The following MAN2B2 variants were observed in gnomAD, a reference collection of about 807,000 sequenced individuals.
MAN2B2 encodes the protein epididymis-specific alpha-mannosidase.
Under a neutral mutation model 117.1 loss-of-function variants are expected in MAN2B2, and 106 were observed. The observed-to-expected ratio is 0.90, with a 90% CI of 0.77 to 1.06. The LOEUF (loss-of-function observed/expected upper bound fraction) is 1.06, where lower values mean the gene tolerates loss of function less well. Among genes scored for constraint, MAN2B2 ranks in the 50% least tolerant of loss-of-function variants. MAN2B2 has a pLI of 0.00. For missense variants in MAN2B2, 1,326 were observed against 1,381.4 expected, an observed-to-expected ratio of 0.96 and a Z score of 0.64; for synonymous variants, 544 against 595.1, an observed-to-expected ratio of 0.91 and a Z score of 1.25.
At chr4:6,617,533 G>A in intron 17 of MAN2B2, 41 bp downstream of exon 17, 1 of 1,609,330 alleles carries the variant, frequency 6.2e-7, no homozygotes, top group Non-Finnish European at 8.5e-7. Context: ...AGCCAGGGAA[G>A]CAAACCCTAG....
intron 1 of MAN2B2, 49 bp downstream of exon 1, chr4:6,575,397 T>A: frequency 7.3e-7 from 1 of 1,375,296 alleles, no homozygotes; most frequent in Admixed American, 2.5e-5. Context: ...AGCTTCCCTC[T>A]CCCCGCGGGA....
rs1006059850 is a variant in MAN2B2 at position 6,575,220 on chromosome 4, C to T, written c.10C>T (p.Leu4=). ...CCGGCCTGCCGCAGGGATGGGGCAGCTGTGCTGGCTGCCGCTGCTGGCACC... is the reference window on the plus strand; with the variant it reads ...CCGGCCTGCCGCAGGGATGGGGCAGTTGTGCTGGCTGCCGCTGCTGGCACC... MGQ[L]CWLPLLAPLL... The change falls in exon 1 of 19, where the codon CTG becomes TTG. Residue 4 remains leucine (L), a synonymous_variant. Transcript: ENST00000285599. 2.0e-6 allele frequency: 3 copies of T among 1,507,704 alleles called. No individual in the cohort carries two copies. The highest frequency in any genetic ancestry group is 2.4e-5 in the South Asian group (2 of 83,442). The allele number at this position is 1,507,704 out of a possible 1,614,324, so 93.4% of individuals were successfully genotyped here.
At chr4:6,614,938 C>T (rs1418325474) in intron 16 of MAN2B2, among the ~76,000 whole-genome samples, 6 of 152,194 alleles carry the variant, frequency 3.9e-5, no homozygotes, top group Non-Finnish European at 8.8e-5. Flanking sequence ...ATGGGGGGCT[C>T]CCCGAGGAGG....
intron 13 of MAN2B2, 63 bp from the exon 14 acceptor site, chr4:6,610,817 G>C: frequency 6.9e-7 from 1 of 1,442,808 alleles, no homozygotes; most frequent in Non-Finnish European, 9.8e-7. Flanking sequence ...TGGCCAGAGG[G>C]TGATGCCTGA....
chr4:6,597,828 G>A (rs9994243), intron 8 of MAN2B2, among the ~76,000 whole-genome samples: 3,964 of 152,286 alleles, frequency 0.026, 191 homozygotes, highest in African/African-American at 0.091. Flanking sequence ...AAGACAGCCT[G>A]TAACTTGTCC....
At chr4:6,586,054 T>C (rs534620086) in intron 3 of MAN2B2, among the ~76,000 whole-genome samples, 1 of 125,538 alleles carries the variant, frequency 8.0e-6, no homozygotes, top group African/African-American at 2.7e-5. Context: ...TTTCTTGTGG[T>C]TTTTTTTTTT....
chr4:6,615,408 G>A (rs1160198657), intron 16 of MAN2B2, among the ~76,000 whole-genome samples: 1 of 152,112 alleles, frequency 6.6e-6, no homozygotes. Context: ...AGGAGATGTA[G>A]AAGCACTTTC....
intron 15 of MAN2B2, among the ~76,000 whole-genome samples, chr4:6,612,101 T>C (rs1711596246): frequency 6.6e-6 from 1 of 152,244 alleles, no homozygotes; most frequent in Non-Finnish European, 1.5e-5. Flanking sequence ...GATTAGCATG[T>C]GCTTTTAAGG....
Position 6,593,166 on chromosome 4 carries a change from C to G in MAN2B2, c.681-7C>G. 6.2e-7 allele frequency: 1 copy of G among 1,613,278 alleles called. No homozygotes were observed. Among genetic ancestry groups the G allele is most frequent in the Non-Finnish European group, 8.5e-7 (1 of 1,179,586 alleles). ...GTCTTCTGCCCTAACCTTCTGCCCT[C>G]GCACAGGTCAGGATTTTACTGGAAT... On this transcript the variant is annotated splice_region_variant and splice_polypyrimidine_tract_variant and intron_variant, in intron 5 of 18. Coordinates refer to ENST00000285599, the MANE Select transcript of MAN2B2 (RefSeq NM_015274.3).
intron 3 of MAN2B2, among the ~76,000 whole-genome samples, chr4:6,579,159 TCACCACCACCACCACCACCATCAC>T (rs1726248675): frequency 1.7e-4 from 3 of 18,082 alleles, no homozygotes; most frequent in Admixed American, 5.8e-4. Context: ...ACCATCACCA[TCACCACCACCACCACCACCATCAC>T]CATCACCAGC....
chr4:6,599,278 A>ATT (rs146877043), intron 9 of MAN2B2, among the ~76,000 whole-genome samples: 1 of 151,158 alleles, frequency 6.6e-6, no homozygotes, highest in Admixed American at 6.6e-5. Flanking sequence ...TTTTATTTTT[A>ATT]TTTTTTTTGG....
At chr4:6,596,989 C>A in intron 7 of MAN2B2, 124 bp from the exon 8 acceptor site, 1 of 954,686 alleles carries the variant, frequency 1.0e-6, no homozygotes, top group Non-Finnish European at 1.6e-6. Context: ...CCCGGCCTGC[C>A]TCCTTGGGTG....
At chr4:6,591,160 A>C (rs1726844879) in intron 5 of MAN2B2, among the ~76,000 whole-genome samples, 1 of 151,954 alleles carries the variant, frequency 6.6e-6, no homozygotes, top group Non-Finnish European at 1.5e-5. Context: ...CAAAAAAAAA[A>C]GAAGGCTGGA....
intron 3 of MAN2B2, among the ~76,000 whole-genome samples, chr4:6,582,536 C>T (rs1726476426): frequency 6.6e-6 from 1 of 152,096 alleles, no homozygotes; most frequent in Non-Finnish European, 1.5e-5. Context: ...ACAGGGATCT[C>T]ACCATGTTGG....
chr4:6,611,710 C>T (rs548525713), intron 15 of MAN2B2, among the ~76,000 whole-genome samples: 1 of 152,218 alleles, frequency 6.6e-6, no homozygotes, highest in Non-Finnish European at 1.5e-5. Flanking sequence ...AGGAGAATCG[C>T]TTGAACCCGG....
At chr4:6,620,114 T>C in intron 18 of MAN2B2, 70 bp downstream of exon 18, 1 of 1,326,438 alleles carries the variant, frequency 7.5e-7, no homozygotes, top group Admixed American at 2.1e-5. Flanking sequence ...TCAGACCCGG[T>C]GCACATCCAA....
intron 7 of MAN2B2, among the ~76,000 whole-genome samples, chr4:6,594,950 T>C (rs1372858943): frequency 6.6e-6 from 1 of 152,206 alleles, no homozygotes; most frequent in African/African-American, 2.4e-5. Context: ...CCCACAGGGT[T>C]CAGCCTCTCA....
intron 17 of MAN2B2, 186 bp downstream of exon 17, chr4:6,617,678 T>G: frequency 8.3e-7 from 1 of 1,205,320 alleles, no homozygotes; most frequent in East Asian, 2.7e-5. Context: ...CCTGGTTTTT[T>G]AGGGTTTTTT....
Position 6,575,284 on chromosome 4 carries a change from G to GGGT in MAN2B2, c.74_75insGGT (p.Gly25_Pro26insVal). On this transcript the variant is annotated inframe_insertion, in exon 1 of 19. Coordinates refer to ENST00000285599, the MANE Select transcript of MAN2B2 (RefSeq NM_015274.3). Reference sequence around the variant, plus strand: ...CGACCGCCAGGGGTCCAGTCCGCCGGCCCCATCCGGGCCTTCGTGGTGCCC... The same window carrying GGGT: ...CGACCGCCAGGGGTCCAGTCCGCCGGGGTCCCCATCCGGGCCTTCGTGGTGCCC... The GGGT allele has an allele frequency of 6.4e-7, 1 of 1,564,184 alleles. No individual in the cohort carries two copies. Among genetic ancestry groups the GGGT allele is most frequent in the Non-Finnish European group, 8.6e-7 (1 of 1,160,698 alleles).
Sources: gnomAD v4.1 joint callset for allele counts (sites outside exome capture counted in the v4.1 genomes callset) on GRCh38, gnomAD v4.1.1 for gene constraint, MANE v1.5 for transcripts, NCBI Gene and HGNC (gene_info 2026-07-23, HGNC 2026-07-21) for gene names.